NAALADL2: variants seen among roughly 807,000 people sequenced by gnomAD.
NAALADL2 encodes N-acetylated alpha-linked acidic dipeptidase like 2, also known as inactive N-acetylated-alpha-linked acidic dipeptidase-like protein 2.
NAALADL2 carries 76 observed loss-of-function variants against 87.2 expected under a neutral mutation model. The ratio of observed to expected loss-of-function variants is 0.87; its 90% CI spans 0.72 to 1.05. NAALADL2 has a LOEUF of 1.05. Among genes scored for constraint, NAALADL2 ranks in the 50% least tolerant of loss-of-function variants. NAALADL2 has a pLI of 0.00. For synonymous variants in NAALADL2, 354 were observed against 331.0 expected, an observed-to-expected ratio of 1.07 and a Z score of -0.75; for missense variants, 1,089 against 945.8, an observed-to-expected ratio of 1.15 and a Z score of -1.99.
At chr3:175,780,689 C>T (rs940977396) in intron 13 of NAALADL2, among the ~76,000 whole-genome samples, 1 of 152,066 alleles carries the variant, frequency 6.6e-6, no homozygotes, top group Non-Finnish European at 1.5e-5. Flanking sequence ...AAGTGAAAAA[C>T]AATTTTCAAA....
intron 2 of NAALADL2, among the ~76,000 whole-genome samples, chr3:174,627,757 G>T (rs1478628093): frequency 6.6e-6 from 1 of 152,098 alleles, no homozygotes; most frequent in Non-Finnish European, 1.5e-5. Context: ...ATACTAGTTG[G>T]CCATTAAAAA....
intron 5 of NAALADL2, among the ~76,000 whole-genome samples, chr3:175,329,558 A>C (rs1255838865): frequency 6.6e-6 from 1 of 152,214 alleles, no homozygotes; most frequent in African/African-American, 2.4e-5. Context: ...AATGGCAGAA[A>C]ATATAAATAT....
intron 2 of NAALADL2, among the ~76,000 whole-genome samples, chr3:175,104,278 A>G (rs754824287): frequency 5.3e-5 from 8 of 152,282 alleles, no homozygotes; most frequent in Admixed American, 2.6e-4. Context: ...ACCTATAGGT[A>G]AACTGGCTGT....
intron 2 of NAALADL2, among the ~76,000 whole-genome samples, chr3:174,722,805 C>A (rs75869744): frequency 0.033 from 5,001 of 152,244 alleles, 110 homozygotes; most frequent in African/African-American, 0.059. Flanking sequence ...AAAATTGTTT[C>A]TTTGGCTTTA....
At chr3:174,513,686 T>C (rs1719749386) in intron 1 of NAALADL2, 1 of 152,214 alleles carries the variant, frequency 6.6e-6, no homozygotes, top group Non-Finnish European at 1.5e-5. Flanking sequence ...TGTTTTTCCA[T>C]TGTGTTGTTC....
At chr3:174,662,542 C>G (rs988787317) in intron 2 of NAALADL2, among the ~76,000 whole-genome samples, 5 of 151,888 alleles carry the variant, frequency 3.3e-5, no homozygotes, top group South Asian at 2.1e-4. Context: ...AAAATTTGCC[C>G]CAACAGGAAA....
At chr3:174,831,179 T>C (rs1253438995) in intron 3 of NAALADL2, among the ~76,000 whole-genome samples, 3 of 152,084 alleles carry the variant, frequency 2.0e-5, no homozygotes, top group Non-Finnish European at 4.4e-5. Flanking sequence ...CATCCTTGTC[T>C]TGTGCCAGTT....
At chr3:175,013,301 A>ATATATATTTTTTTTTT (rs1553916905) in intron 1 of NAALADL2, among the ~76,000 whole-genome samples, 19 of 72,048 alleles carry the variant, frequency 2.6e-4, no homozygotes, top group South Asian at 5.4e-4. Flanking sequence ...ATATATATAT[A>ATATATATTTTTTTTTT]TTTTTTTTTT....
At chr3:175,679,694 T>C (rs1400796897) in intron 11 of NAALADL2, among the ~76,000 whole-genome samples, 2 of 152,204 alleles carry the variant, frequency 1.3e-5, no homozygotes, top group Admixed American at 6.5e-5. Flanking sequence ...AAATCTGTTT[T>C]ACCCGTGATA....
chr3:174,682,619 T>C (rs1411021822), intron 2 of NAALADL2, among the ~76,000 whole-genome samples: 2 of 152,194 alleles, frequency 1.3e-5, no homozygotes, highest in Admixed American at 1.3e-4. Flanking sequence ...TCCAGGGAAT[T>C]CTTCTGCAAC....
chr3:175,330,580 G>A (rs1761280102), intron 5 of NAALADL2, among the ~76,000 whole-genome samples: 1 of 152,062 alleles, frequency 6.6e-6, no homozygotes, highest in Admixed American at 6.5e-5. Context: ...TGACCATCAG[G>A]TTAAGGAGGG....
At chr3:175,596,513 G>T (rs996963645) in intron 10 of NAALADL2, among the ~76,000 whole-genome samples, 8 of 151,816 alleles carry the variant, frequency 5.3e-5, no homozygotes, top group Admixed American at 1.3e-4. Context: ...ACCATATGAA[G>T]AATTTAATCC....
intron 3 of NAALADL2, among the ~76,000 whole-genome samples, chr3:174,844,354 C>T (rs370202545): frequency 2.6e-5 from 4 of 152,074 alleles, no homozygotes; most frequent in African/African-American, 9.7e-5. Flanking sequence ...TTTATGTGTT[C>T]CATTTTTATG....
chr3:175,148,018 C>T (rs1038035126), intron 2 of NAALADL2, among the ~76,000 whole-genome samples: 2 of 150,100 alleles, frequency 1.3e-5, no homozygotes, highest in African/African-American at 2.4e-5. Flanking sequence ...TGCAGTGAGC[C>T]GAGACTGGGC....
chr3:175,682,814 A>G (rs913936954), intron 11 of NAALADL2, among the ~76,000 whole-genome samples: 3 of 152,032 alleles, frequency 2.0e-5, no homozygotes, highest in Non-Finnish European at 4.4e-5. Context: ...ATTGCTTGCT[A>G]TAATACTTAT....
At chr3:174,938,616 G>A (rs1224618916) in intron 1 of NAALADL2, among the ~76,000 whole-genome samples, 1 of 152,034 alleles carries the variant, frequency 6.6e-6, no homozygotes, top group African/African-American at 2.4e-5. Flanking sequence ...TTTCCACAAT[G>A]GTTGAACTAA....
At chr3:175,300,753 ATTTTT>A (rs1333642420) in intron 4 of NAALADL2, among the ~76,000 whole-genome samples, 9 of 140,316 alleles carry the variant, frequency 6.4e-5, no homozygotes, top group African/African-American at 2.4e-4. Flanking sequence ...TTATTTATTT[ATTTTT>A]ATTTATTTAT....
At chr3:174,537,570 A>G (rs1347085407) in intron 1 of NAALADL2, among the ~76,000 whole-genome samples, 2 of 152,344 alleles carry the variant, frequency 1.3e-5, no homozygotes, top group Non-Finnish European at 1.5e-5. Context: ...AGTGAGAGTC[A>G]GGAAAACATA....
chr3:174,607,631 T>C (rs1260679303), intron 2 of NAALADL2, among the ~76,000 whole-genome samples: 1 of 151,916 alleles, frequency 6.6e-6, no homozygotes, highest in African/African-American at 2.4e-5. Flanking sequence ...CCTAAATATA[T>C]ATGCACCCAA....
Sources: allele counts gnomAD v4.1 joint callset (sites outside exome capture counted in the v4.1 genomes callset), GRCh38; gene constraint gnomAD v4.1.1; transcripts MANE v1.5; gene names NCBI Gene and HGNC (gene_info 2026-07-23, HGNC 2026-07-21).